The following ERI1 variants were observed in gnomAD, a reference collection of about 807,000 sequenced individuals.
ERI1 encodes 3'-5' exoribonuclease 1.
ERI1 carries 39 observed loss-of-function variants against 39.7 expected under a neutral mutation model. The observed-to-expected ratio is 0.98, with a 90% CI of 0.76 to 1.28. ERI1 has a LOEUF of 1.28. Among genes scored for constraint, ERI1 ranks in the 50% most tolerant of loss-of-function variants. The probability of loss-of-function intolerance (pLI) is 0.00; values close to 1 mark genes in which losing one functional copy is unlikely to be tolerated. For synonymous variants in ERI1, 204 were observed against 149.6 expected (o/e 1.36, Z -2.65); for missense variants, 581 against 416.9 (o/e 1.39, Z -3.43).
chr8:9,021,438 C>T (rs767593850), intron 6 of ERI1, among the ~76,000 whole-genome samples: 2 of 152,134 alleles, frequency 1.3e-5, no homozygotes, highest in Admixed American at 6.5e-5. Context: ...TTTACAGTTT[C>T]ATTTTGGAGA....
At chr8:9,011,495 G>A in intron 2 of ERI1, 47 bp from the exon 3 acceptor site, 1 of 1,344,650 alleles carries the variant, frequency 7.4e-7, no homozygotes, top group Non-Finnish European at 1.0e-6. Flanking sequence ...TTTGATTCTT[G>A]ACTGTAGAAT....
At chr8:9,018,213 C>T (rs540422137) in intron 4 of ERI1, 84 bp from the exon 5 acceptor site, 2 of 665,734 alleles carry the variant, frequency 3.0e-6, no homozygotes, top group Admixed American at 5.3e-5. Flanking sequence ...CTGTTTCTTC[C>T]CCTCCAACTT....
intron 3 of ERI1, among the ~76,000 whole-genome samples, chr8:9,076,036 A>G (rs1325740161): frequency 9.9e-5 from 15 of 152,234 alleles, no homozygotes; most frequent in Admixed American, 9.2e-4. Flanking sequence ...CCTGGGTCCA[A>G]GTGATCCTCC....
intron 3 of ERI1, among the ~76,000 whole-genome samples, chr8:9,066,872 C>T (rs1585278267): frequency 6.6e-6 from 1 of 151,942 alleles, no homozygotes; most frequent in African/African-American, 2.4e-5. Flanking sequence ...CTGATGTTCT[C>T]AGTGGCCTCA....
At chr8:9,087,043 T>C (rs917613904) in intron 3 of ERI1, among the ~76,000 whole-genome samples, 3 of 151,978 alleles carry the variant, frequency 2.0e-5, no homozygotes, top group Non-Finnish European at 4.4e-5. Context: ...TTAAGTTTTT[T>C]GAATTTTACT....
chr8:9,021,432 C>A (rs1817879982), intron 6 of ERI1, among the ~76,000 whole-genome samples: 1 of 152,126 alleles, frequency 6.6e-6, no homozygotes, highest in African/African-American at 2.4e-5. Context: ...TCTCCCTTTA[C>A]AGTTTCATTT....
intron 6 of ERI1, among the ~76,000 whole-genome samples, chr8:9,029,407 C>T (rs1797425016): frequency 6.6e-6 from 1 of 152,140 alleles, no homozygotes; most frequent in Admixed American, 6.6e-5. Flanking sequence ...CAGCTCGCTG[C>T]AGCCTCCACC....
chr8:9,012,362 C>G (rs1008471147), intron 3 of ERI1, among the ~76,000 whole-genome samples: 2 of 152,160 alleles, frequency 1.3e-5, no homozygotes, highest in African/African-American at 2.4e-5. Context: ...TAGGAATTCC[C>G]TAAAATAATA....
At chr8:9,003,470 G>C (rs895123454) in intron 1 of ERI1, among the ~76,000 whole-genome samples, 1 of 152,194 alleles carries the variant, frequency 6.6e-6, no homozygotes, top group South Asian at 2.1e-4. Context: ...CACGGTTGCT[G>C]TTGTCACTCC....
chr8:9,074,970 G>A (rs1488607779), intron 3 of ERI1, among the ~76,000 whole-genome samples: 1 of 152,074 alleles, frequency 6.6e-6, no homozygotes, highest in Non-Finnish European at 1.5e-5. Context: ...ACAGAAGAGC[G>A]CCGGGCACCA....
rs1472682127 is a variant in ERI1 at position 9,032,476 on chromosome 8, T to C, written c.*2442T>C. ...GTTCTGTTGGATCAAGTATTTAACA[T>C]TTGCTCTGAAAAAAATGTTTTTGTG... On this transcript the variant is annotated 3_prime_UTR_variant, in exon 7 of 7. Transcript: ENST00000250263. 6.6e-6 allele frequency: 1 copy of C among 152,300 alleles called. No individual in the cohort carries two copies. Among genetic ancestry groups the C allele is most frequent in the East Asian group, 1.9e-4 (1 of 5,186 alleles). The allele number at this position is 152,300 out of a possible 1,614,324, so 9.4% of individuals were successfully genotyped here.
intron 2 of ERI1, 60 bp downstream of exon 2, chr8:9,008,208 GA>G: frequency 7.7e-7 from 1 of 1,300,080 alleles, no homozygotes; most frequent in African/African-American, 1.5e-5. Flanking sequence ...AGAAAATCTT[GA>G]AAACATTGAA....
intron 3 of ERI1, among the ~76,000 whole-genome samples, chr8:9,013,041 G>A (rs936837951): frequency 6.7e-6 from 1 of 149,716 alleles, no homozygotes; most frequent in Non-Finnish European, 1.5e-5. Context: ...TCTTTTTTAA[G>A]ATAGAGTCTT....
At chr8:9,011,228 C>A (rs927697669) in intron 2 of ERI1, among the ~76,000 whole-genome samples, 3 of 152,030 alleles carry the variant, frequency 2.0e-5, no homozygotes, top group African/African-American at 4.8e-5. Flanking sequence ...GGCAGTATGA[C>A]GACTGTGTTG....
At chr8:9,073,114 A>T (rs963408537) in intron 3 of ERI1, among the ~76,000 whole-genome samples, 9 of 152,258 alleles carry the variant, frequency 5.9e-5, no homozygotes, top group Non-Finnish European at 1.3e-4. Flanking sequence ...TTCTGCTGTC[A>T]GTCAGTTTGA....
chr8:9,058,862 T>TAAAG (rs528244843), intron 3 of ERI1, among the ~76,000 whole-genome samples: 4 of 151,704 alleles, frequency 2.6e-5, no homozygotes, highest in Admixed American at 6.6e-5. Context: ...AATAAATAAA[T>TAAAG]AAATAAATCT....
intron 3 of ERI1, among the ~76,000 whole-genome samples, chr8:9,089,065 G>C (rs1420420529): frequency 6.6e-6 from 1 of 152,136 alleles, no homozygotes; most frequent in Non-Finnish European, 1.5e-5. Flanking sequence ...TGTGATATTT[G>C]GCAAGTTATT....
At chr8:9,067,814 C>T (rs1446721758) in intron 3 of ERI1, among the ~76,000 whole-genome samples, 1 of 150,892 alleles carries the variant, frequency 6.6e-6, no homozygotes, top group Non-Finnish European at 1.5e-5. Context: ...TGGGACAGGT[C>T]CCCAAGTCAA....
At position 9,030,250 on chromosome 8, in the gene ERI1, G is replaced by A. The variant is rs868076876; in HGVS notation, c.*216G>A. ...AGCACTTTTGATATGAACAGTATTC[G>A]TTACATAGTAACAGTTCCTGCTTAC... On this transcript the variant is annotated 3_prime_UTR_variant, in exon 7 of 7. Transcript: ENST00000250263. The A allele has an allele frequency of 8.8e-6, 5 of 566,070 alleles. No individual in the cohort carries two copies. Among genetic ancestry groups the A allele is most frequent in the South Asian group, 4.9e-5 (2 of 40,650 alleles). The allele number at this position is 566,070 out of a possible 1,614,324, so 35.1% of individuals were successfully genotyped here. A position where few individuals can be genotyped will look rare whatever the true frequency, so the allele number is the denominator to read the frequency against.
Sources: gnomAD v4.1 joint callset for allele counts (sites outside exome capture counted in the v4.1 genomes callset) on GRCh38, gnomAD v4.1.1 for gene constraint, MANE v1.5 for transcripts, NCBI Gene and HGNC (gene_info 2026-07-23, HGNC 2026-07-21) for gene names.